Variants in PTPN22 observed in about 807,000 individuals in gnomAD.
PTPN22 encodes the protein tyrosine-protein phosphatase non-receptor type 22.
A neutral mutation model predicts 103.3 loss-of-function variants in PTPN22; 85 were observed. The ratio of observed to expected loss-of-function variants is 0.82; its 90% CI spans 0.69 to 0.99. The LOEUF is 0.99. Ranked by LOEUF, PTPN22 falls within the 50% of genes least tolerant of loss-of-function variation. The probability of loss-of-function intolerance (pLI) is 0.00; values close to 1 mark genes in which losing one functional copy is unlikely to be tolerated. For synonymous variants in PTPN22, 323 were observed against 310.2 expected (o/e 1.04, Z -0.43); for missense variants, 865 against 936.9 (o/e 0.92, Z 1.00).
intron 11 of PTPN22, among the ~76,000 whole-genome samples, chr1:113,841,666 G>A (rs919726497): frequency 6.6e-6 from 1 of 150,452 alleles, no homozygotes; most frequent in Non-Finnish European, 1.5e-5. Flanking sequence ...GCAGTGGTGC[G>A]ATCTCGGCTC....
chr1:113,837,583 AACTT>A lies in PTPN22; in HGVS notation c.1810+3_1810+6del. The A allele has an allele frequency of 6.6e-7, 1 of 1,510,960 alleles. No individual in the cohort carries two copies. The highest frequency in any genetic ancestry group is 9.0e-7 in the Non-Finnish European group (1 of 1,108,822). 93.6% of individuals were successfully genotyped at this position (1,510,960 alleles called of 1,614,324 possible). ...AAATTCTATGCAAACTTTAAAAAAT[AACTT>A]ACCTAGTACAGCTGACTCCTGGTTC... On this transcript the variant is annotated splice_donor_5th_base_variant and intron_variant, in intron 13 of 20. Coordinates refer to ENST00000359785, the Ensembl canonical transcript of PTPN22.
intron 17 of PTPN22, 55 bp from the exon 18 acceptor site, chr1:113,829,762 C>T: frequency 5.4e-6 from 7 of 1,304,318 alleles, no homozygotes; most frequent in South Asian, 1.3e-5. Context: ...CTTAAGCCTT[C>T]ATGTTACATA....
Position 113,834,905 on chromosome 1 carries a change from C to T in PTPN22, c.1894+5G>A, listed in dbSNP as rs1163099561. On this transcript the variant is annotated splice_donor_5th_base_variant and intron_variant, in intron 14 of 20. Transcript: ENST00000359785. ...TTTATTTTATACTTACTGAACTGTA[C>T]TCACCAGCTTCCTCAACCACAATAA... is the stretch of plus-strand genomic sequence containing the variant. 2 of 1,552,576 alleles carry T rather than the reference C, an allele frequency of 1.3e-6. No individual in the cohort carries two copies. Among genetic ancestry groups the T allele is most frequent in the East Asian group, 2.4e-5 (1 of 42,412 alleles).
At chr1:113,835,212 T>C (rs550480349) in intron 13 of PTPN22, among the ~76,000 whole-genome samples, 37 of 152,332 alleles carry the variant, frequency 2.4e-4, no homozygotes, top group Admixed American at 6.5e-4. Context: ...CTTTAACATT[T>C]ATTGTTTTAA....
chr1:113,835,521 A>AAATAAT (rs907672142), intron 13 of PTPN22, among the ~76,000 whole-genome samples: 3 of 152,084 alleles, frequency 2.0e-5, no homozygotes, highest in African/African-American at 7.2e-5. Context: ...CCGTCTCAAA[A>AAATAAT]AATAATAATA....
chr1:113,825,010 C>G, intron 19 of PTPN22, 132 bp downstream of exon 19: 57 of 309,136 alleles, frequency 1.8e-4, no homozygotes, highest in East Asian at 2.9e-4. Flanking sequence ...GGTGATTGTT[C>G]TGATTCATAG....
chr1:113,848,808 C>T (rs1480124350), intron 10 of PTPN22, among the ~76,000 whole-genome samples, 182 bp from the exon 11 acceptor site: 1 of 152,156 alleles, frequency 6.6e-6, no homozygotes, highest in Non-Finnish European at 1.5e-5. Context: ...CTTCAGATTT[C>T]AAAGCACTTT....
intron 9 of PTPN22, among the ~76,000 whole-genome samples, chr1:113,853,375 A>C (rs1483566158): frequency 2.2e-5 from 2 of 88,998 alleles, no homozygotes; most frequent in Non-Finnish European, 4.7e-5. Flanking sequence ...TTTTTTGAGG[A>C]CTTTCACTTT....
chr1:113,827,323 C>T (rs1287101688), intron 18 of PTPN22, among the ~76,000 whole-genome samples: 3 of 152,174 alleles, frequency 2.0e-5, no homozygotes, highest in African/African-American at 7.2e-5. Flanking sequence ...CTTCAATCTA[C>T]TACTCAGTTT....
intron 13 of PTPN22, among the ~76,000 whole-genome samples, chr1:113,836,988 G>A (rs534624189): frequency 9.9e-5 from 15 of 152,074 alleles, no homozygotes; most frequent in Non-Finnish European, 1.8e-4. Flanking sequence ...GAAATGAGGC[G>A]TGCCTTCTTT....
intron 13 of PTPN22, among the ~76,000 whole-genome samples, chr1:113,836,686 G>T (rs1405339661): frequency 6.6e-6 from 1 of 152,048 alleles, no homozygotes; most frequent in Non-Finnish European, 1.5e-5. Flanking sequence ...CCAGCACTTT[G>T]GGAGGCCAAG....
At chr1:113,868,827 A>G (rs190838002) in intron 1 of PTPN22, among the ~76,000 whole-genome samples, 1 of 152,252 alleles carries the variant, frequency 6.6e-6, no homozygotes, top group Admixed American at 6.5e-5. Context: ...TGGTTGCTTT[A>G]TAATTATACT....
At chr1:113,820,613 C>T (rs1266341592) in intron 19 of PTPN22, among the ~76,000 whole-genome samples, 2 of 152,120 alleles carry the variant, frequency 1.3e-5, no homozygotes, top group African/African-American at 4.8e-5. Context: ...ATTCATGTAT[C>T]AGTTTCTGCA....
At chr1:113,843,853 A>G (rs928585236) in intron 11 of PTPN22, among the ~76,000 whole-genome samples, 1 of 152,156 alleles carries the variant, frequency 6.6e-6, no homozygotes, top group African/African-American at 2.4e-5. Context: ...TAAAATTACA[A>G]ATTCAATTTT....
At chr1:113,818,483 C>T (rs1381660342) in intron 20 of PTPN22, among the ~76,000 whole-genome samples, 1 of 152,022 alleles carries the variant, frequency 6.6e-6, no homozygotes, top group Non-Finnish European at 1.5e-5. Flanking sequence ...CTTTTTAAAC[C>T]TCAGAGTTAA....
At chr1:113,854,390 A>G (rs1664870628) in intron 9 of PTPN22, 81 bp downstream of exon 9, 3 of 1,234,072 alleles carry the variant, frequency 2.4e-6, no homozygotes, top group African/African-American at 1.5e-5. Context: ...ATGAAGATAG[A>G]TGTTTTGAAA....
At chr1:113,829,071 A>G (rs1018897417) in intron 18 of PTPN22, 1 of 151,808 alleles carries the variant, frequency 6.6e-6, no homozygotes, top group African/African-American at 2.4e-5. Context: ...ATTTTTATTT[A>G]TTATTTATTT....
intron 20 of PTPN22, among the ~76,000 whole-genome samples, chr1:113,817,453 T>C (rs79967640): frequency 5.9e-5 from 9 of 152,138 alleles, no homozygotes; most frequent in African/African-American, 1.7e-4. Flanking sequence ...GGTTTTTTTT[T>C]CCAAGACAGA....
chr1:113,848,524 C>G lies in PTPN22; in HGVS notation c.915+16G>C. 1 of 1,610,482 alleles carries G rather than the reference C, an allele frequency of 6.2e-7. No homozygotes were observed. Among genetic ancestry groups the G allele is most frequent in the Non-Finnish European group, 8.5e-7 (1 of 1,179,508 alleles). ...TATGAAAATTTTTTTGACATAATAT[C>G]TAGTTTAAATTTTACCTCTGTTCCA... is the stretch of plus-strand genomic sequence containing the variant. On this transcript the variant is annotated intron_variant, in intron 11 of 20. Transcript: ENST00000359785.
Sources: gnomAD v4.1 joint callset for allele counts (sites outside exome capture counted in the v4.1 genomes callset) on GRCh38, gnomAD v4.1.1 for gene constraint, MANE v1.5 for transcripts, NCBI Gene and HGNC (gene_info 2026-07-23, HGNC 2026-07-21) for gene names.